Variants in NCR2 observed in about 807,000 individuals in gnomAD.
NCR2 encodes natural cytotoxicity triggering receptor 2.
A neutral mutation model predicts 30.7 loss-of-function variants in NCR2; 35 were observed. That is an observed-to-expected ratio of 1.14 (90% CI 0.87 to 1.51). NCR2 has a LOEUF of 1.51. Among genes scored for constraint, NCR2 ranks in the 40% most tolerant of loss-of-function variants. The pLI is 0.00. For missense variants in NCR2, 316 were observed against 328.9 expected (o/e 0.96, Z 0.30); for synonymous variants, 146 against 134.8 (o/e 1.08, Z -0.58).
chr6:41,336,492 C>A lies in NCR2; in HGVS notation c.394+64C>A. 3 of 1,397,864 alleles carry A rather than the reference C, an allele frequency of 2.1e-6. No individual in the cohort carries two copies. The East Asian group carries it at 6.9e-5, about 32-fold the overall frequency. 86.6% of individuals were successfully genotyped at this position (1,397,864 alleles called of 1,614,324 possible). A position where few individuals can be genotyped will look rare whatever the true frequency, so the allele number is the denominator to read the frequency against. ...CACCCCCTTTTGGTGCCTCCATCACCCCTGGTTTCCCAATCGTGGAAGCCA... is the reference window on the plus strand; with the variant it reads ...CACCCCCTTTTGGTGCCTCCATCACACCTGGTTTCCCAATCGTGGAAGCCA... On this transcript the variant is annotated intron_variant, in intron 2 of 4. Transcript: ENST00000373089.
At chr6:41,349,740 A>G (rs910322355) in intron 4 of NCR2, among the ~76,000 whole-genome samples, 1 of 152,098 alleles carries the variant, frequency 6.6e-6, no homozygotes, top group South Asian at 2.1e-4. Context: ...TTCCTACTAA[A>G]CACACAACTT....
chr6:41,336,602 A>C (rs1769038260), intron 2 of NCR2, among the ~76,000 whole-genome samples, 174 bp downstream of exon 2: 1 of 152,132 alleles, frequency 6.6e-6, no homozygotes, highest in African/African-American at 2.4e-5. Flanking sequence ...CAGCCATCTC[A>C]CAGTCTGCAT....
chr6:41,342,232 C>T (rs1205759604), intron 4 of NCR2, 83 bp downstream of exon 4: 9 of 1,552,814 alleles, frequency 5.8e-6, no homozygotes, highest in Non-Finnish European at 7.0e-6. Context: ...GGGGAATCGG[C>T]CAGAGAACAG....
intron 4 of NCR2, among the ~76,000 whole-genome samples, chr6:41,348,915 TA>T (rs1769365598): frequency 6.6e-6 from 1 of 152,120 alleles, no homozygotes; most frequent in South Asian, 2.1e-4. Flanking sequence ...ATAATGTCTT[TA>T]TACTTCTTAG....
At chr6:41,342,395 TCTCC>T (rs1769197155) in intron 4 of NCR2, among the ~76,000 whole-genome samples, 1 of 151,822 alleles carries the variant, frequency 6.6e-6, no homozygotes, top group South Asian at 2.1e-4. Flanking sequence ...CTCCTCTCTC[TCTCC>T]CTCTCTCTCT....
At chr6:41,343,066 C>G in intron 4 of NCR2, 1 of 1,484,948 alleles carries the variant, frequency 6.7e-7, no homozygotes, top group East Asian at 2.5e-5. Flanking sequence ...CCCAGCAGCT[C>G]CTCCCTGACT....
At chr6:41,346,828 A>AGAGG (rs374481433) in intron 4 of NCR2, among the ~76,000 whole-genome samples, 2,156 of 135,946 alleles carry the variant, frequency 0.016, 41 homozygotes, top group African/African-American at 0.04. Context: ...AGAGAGAAAG[A>AGAGG]GAGGGAGGGA....
At chr6:41,344,485 T>C (rs1769251304) in intron 4 of NCR2, among the ~76,000 whole-genome samples, 1 of 152,196 alleles carries the variant, frequency 6.6e-6, no homozygotes, top group African/African-American at 2.4e-5. Flanking sequence ...CTCCTGTTTG[T>C]CATCTATTTT....
At position 41,336,081 on chromosome 6, in the gene NCR2, C is replaced by T. The variant is rs779978759; in HGVS notation, c.53-6C>T. 2 of 1,610,844 alleles carry T rather than the reference C, an allele frequency of 1.2e-6. No homozygotes were observed. Reference sequence around the variant, plus strand: ...TTGACCTATGCGTTACTTCATCATTCTCCAGGCTCTCAGGCACAATCCAAG... The same window carrying T: ...TTGACCTATGCGTTACTTCATCATTTTCCAGGCTCTCAGGCACAATCCAAG... On this transcript the variant is annotated splice_region_variant and splice_polypyrimidine_tract_variant and intron_variant, in intron 1 of 4. Transcript: ENST00000373089.
intron 4 of NCR2, among the ~76,000 whole-genome samples, chr6:41,346,761 T>A (rs1769309431): frequency 6.9e-6 from 1 of 145,750 alleles, no homozygotes; most frequent in Non-Finnish European, 1.5e-5. Context: ...CCTCTCCACA[T>A]GCTCAGCTGG....
At chr6:41,336,728 T>C (rs1358696139) in intron 2 of NCR2, among the ~76,000 whole-genome samples, 2 of 152,074 alleles carry the variant, frequency 1.3e-5, no homozygotes, top group Non-Finnish European at 2.9e-5. Context: ...CCCGGCATCT[T>C]TGGTACATAG....
intron 2 of NCR2, among the ~76,000 whole-genome samples, chr6:41,338,874 G>C (rs943670711): frequency 6.6e-6 from 1 of 152,112 alleles, no homozygotes; most frequent in South Asian, 2.1e-4. Flanking sequence ...GTAATGTTTT[G>C]GCAATTGTAG....
Position 41,350,760 on chromosome 6 carries a change from G to A in NCR2, c.727G>A (p.Asp243Asn). 1.2e-6 allele frequency: 2 copies of A among 1,605,560 alleles called. No individual in the cohort carries two copies. The highest frequency in any genetic ancestry group is 1.7e-6 in the Non-Finnish European group (2 of 1,172,154). Residue 243 changes from aspartate (D) to asparagine (N), a missense_variant, in exon 5 of 5, where the codon GAC becomes AAC. Coordinates refer to ENST00000373089, the MANE Select transcript of NCR2 (RefSeq NM_004828.4). ...KATCHLQQVTDLPWTSVSSPV... is the reference protein window; with the variant it reads ...KATCHLQQVTNLPWTSVSSPV... Reference sequence around the variant, plus strand: ...CACCTGCCACCTTCAACAGGTCACGGACCTTCCCTGGACCTCAGTTTCCTC... The same window carrying A: ...CACCTGCCACCTTCAACAGGTCACGAACCTTCCCTGGACCTCAGTTTCCTC...
chr6:41,347,909 C>T (rs1188165832), intron 4 of NCR2, among the ~76,000 whole-genome samples: 1 of 152,190 alleles, frequency 6.6e-6, no homozygotes, highest in Non-Finnish European at 1.5e-5. Context: ...GGCCTCAGTG[C>T]TTTGCCATGT....
Position 41,335,992 on chromosome 6 carries a change from A to G in NCR2, c.52+64A>G, listed in dbSNP as rs1769012127. The G allele has an allele frequency of 8.8e-6, 14 of 1,582,472 alleles. No homozygotes were observed. The South Asian group carries it at 1.5e-4, about 17-fold the overall frequency. On this transcript the variant is annotated intron_variant, in intron 1 of 4. Coordinates refer to ENST00000373089, the MANE Select transcript of NCR2 (RefSeq NM_004828.4). Reference sequence around the variant, plus strand: ...GTGTGGTGGGGACTGTCAGGACAGCAGGGTCAGGGAGCAGGTGGCTCTGTG... The same window carrying G: ...GTGTGGTGGGGACTGTCAGGACAGCGGGGTCAGGGAGCAGGTGGCTCTGTG...
chr6:41,347,082 G>A (rs1398731061), intron 4 of NCR2, among the ~76,000 whole-genome samples: 2 of 152,146 alleles, frequency 1.3e-5, no homozygotes, highest in Admixed American at 6.5e-5. Context: ...GAGCATGGAG[G>A]TGCGTACTTG....
At chr6:41,347,274 G>T (rs939130264) in intron 4 of NCR2, among the ~76,000 whole-genome samples, 5 of 152,130 alleles carry the variant, frequency 3.3e-5, no homozygotes, top group Admixed American at 6.5e-5. Context: ...ATCTTCCCGG[G>T]TTGTATGTCA....
At chr6:41,342,775 C>G (rs1311354606) in intron 4 of NCR2, 2 of 673,586 alleles carry the variant, frequency 3.0e-6, no homozygotes, top group African/African-American at 3.6e-5. Flanking sequence ...GGGAAAAAAC[C>G]ATAGGTGGGG....
rs575519318 is a variant in NCR2 at position 41,344,868 on chromosome 6, G to A, written c.644+2719G>A. On this transcript the variant is annotated intron_variant, in intron 4 of 4. Transcript: ENST00000373089. ...GCTGTGGGCTCCAGGCGGATTGGGCGGGAGTATGGCTCCATTTTTTCTCTT... is the reference window on the plus strand; with the variant it reads ...GCTGTGGGCTCCAGGCGGATTGGGCAGGAGTATGGCTCCATTTTTTCTCTT... Among the ~76,000 whole-genome samples, 10 of 152,330 alleles carry A rather than the reference G, an allele frequency of 6.6e-5. 1 individual carries two copies. In the South Asian group the frequency reaches 1.0e-3, roughly 16 times the overall value.
Sources: gnomAD v4.1 joint callset for allele counts (sites outside exome capture counted in the v4.1 genomes callset) on GRCh38, gnomAD v4.1.1 for gene constraint, MANE v1.5 for transcripts, NCBI Gene and HGNC (gene_info 2026-07-23, HGNC 2026-07-21) for gene names.